Variants in LUC7L2 observed in about 807,000 individuals in gnomAD.
The protein encoded by LUC7L2 is putative RNA-binding protein Luc7-like 2.
LUC7L2 carries 25 observed loss-of-function variants against 52.8 expected under a neutral mutation model. The observed-to-expected ratio is 0.47, with a 90% CI of 0.34 to 0.66. The LOEUF (loss-of-function observed/expected upper bound fraction) is 0.66, where lower values mean the gene tolerates loss of function less well. LUC7L2 is among the 30% of genes least tolerant of loss of function. LUC7L2 has a pLI of 0.01. For synonymous variants in LUC7L2, 144 were observed against 160.9 expected, an observed-to-expected ratio of 0.89 and a Z score of 0.80; for missense variants, 328 against 497.8, an observed-to-expected ratio of 0.66 and a Z score of 3.25.
intron 2 of LUC7L2, among the ~76,000 whole-genome samples, chr7:139,396,651 A>C (rs1051149092): frequency 1.3e-5 from 2 of 152,116 alleles, no homozygotes; most frequent in African/African-American, 4.8e-5. Flanking sequence ...ATTTTCTCAT[A>C]TTCCTTTTGA....
intron 2 of LUC7L2, among the ~76,000 whole-genome samples, chr7:139,384,280 C>T (rs1794091685): frequency 6.6e-6 from 1 of 151,884 alleles, no homozygotes; most frequent in Non-Finnish European, 1.5e-5. Flanking sequence ...GATATTTAGT[C>T]AAATGTATAT....
upstream of LUC7L2, among the ~76,000 whole-genome samples, chr7:139,355,751 G>C (rs1448578895): frequency 6.6e-6 from 1 of 152,176 alleles, no homozygotes; most frequent in Non-Finnish European, 1.5e-5. Flanking sequence ...AGGATACAGT[G>C]AAAACTATCT....
At position 139,398,511 on chromosome 7, in the gene LUC7L2, A is replaced by G. The variant is rs1585115454; in HGVS notation, c.157-88A>G. 16 of 1,017,764 alleles carry G rather than the reference A, an allele frequency of 1.6e-5. No individual in the cohort carries two copies. The East Asian group carries it at 3.0e-4, about 19-fold the overall frequency. The allele number at this position is 1,017,764 out of a possible 1,614,324, so 63.0% of individuals were successfully genotyped here. On this transcript the variant is annotated intron_variant, in intron 2 of 9. Coordinates refer to ENST00000354926, the MANE Select transcript of LUC7L2 (RefSeq NM_016019.5). Reference sequence around the variant, plus strand: ...CATAAAAAAGCATCTGTATGACTTAATATGTATTCTGACAAGAACTGTGGT... The same window carrying G: ...CATAAAAAAGCATCTGTATGACTTAGTATGTATTCTGACAAGAACTGTGGT...
chr7:139,416,071 ATATATATATATATATAT>A (rs1357614033), intron 8 of LUC7L2: 1 of 48,876 alleles, frequency 2.0e-5, no homozygotes, highest in African/African-American at 4.6e-4. Flanking sequence ...ATATATATAT[ATATATATATATATATAT>A]ATGATTTACT....
chr7:139,360,214 GC>G lies in LUC7L2; in HGVS notation c.-45del, dbSNP rs1569366147. The G allele has an allele frequency of 1.4e-6, 2 of 1,478,128 alleles. No individual in the cohort carries two copies. The allele number at this position is 1,478,128 out of a possible 1,614,324, so 91.6% of individuals were successfully genotyped here. On this transcript the variant is annotated 5_prime_UTR_variant, in exon 1 of 10. Transcript: ENST00000354926. ...TCCCCTTATCCCCCAGCCCAAAAGG[GC>G]CCGGTCTGCGCCCCACCCCCGCCCG...
intron 1 of LUC7L2, among the ~76,000 whole-genome samples, chr7:139,343,177 T>C (rs1799087282): frequency 6.6e-6 from 1 of 152,250 alleles, no homozygotes; most frequent in Non-Finnish European, 1.5e-5. Context: ...AATTCCCATG[T>C]CAAATTCCAC....
rs1795958645 is a variant in LUC7L2 at position 139,422,838 on chromosome 7, T to G, written c.*498T>G. 1 of 399,166 alleles carries G rather than the reference T, an allele frequency of 2.5e-6. No individual in the cohort carries two copies. Among genetic ancestry groups the G allele is most frequent in the South Asian group, 1.3e-4 (1 of 7,876 alleles). 24.7% of individuals were successfully genotyped at this position (399,166 alleles called of 1,614,324 possible). On this transcript the variant is annotated 3_prime_UTR_variant, in exon 10 of 10. Coordinates refer to ENST00000354926, the MANE Select transcript of LUC7L2 (RefSeq NM_016019.5). ...TTCCCGTTATGAATTACTAGCTGATTACAGTTCAGAGCATTGATCCTGGAA... is the reference window on the plus strand; with the variant it reads ...TTCCCGTTATGAATTACTAGCTGATGACAGTTCAGAGCATTGATCCTGGAA...
At chr7:139,384,675 A>G (rs1339281006) in intron 2 of LUC7L2, among the ~76,000 whole-genome samples, 2 of 152,214 alleles carry the variant, frequency 1.3e-5, no homozygotes, top group South Asian at 4.1e-4. Flanking sequence ...GCAAATAGGA[A>G]CAAGAATACT....
upstream of LUC7L2, among the ~76,000 whole-genome samples, chr7:139,356,450 G>A (rs935359567): frequency 6.0e-5 from 9 of 150,308 alleles, no homozygotes; most frequent in Admixed American, 1.3e-4. Flanking sequence ...CCAACTAGCC[G>A]ACCAACACAA....
At position 139,423,438 on chromosome 7, in the gene LUC7L2, A is replaced by G. The variant is rs1266326907; in HGVS notation, c.*1098A>G. The stretch of plus-strand genomic sequence containing the variant: ...TCTCATTCAACAAACCCAAATAAAA[A>G]CAGTATATGTAACCAACATAATGAG... On this transcript the variant is annotated 3_prime_UTR_variant, in exon 10 of 10. Transcript: ENST00000354926. 1 of 398,828 alleles carries G rather than the reference A, an allele frequency of 2.5e-6. No individual in the cohort carries two copies. The highest frequency in any genetic ancestry group is 2.1e-5 in the African/African-American group (1 of 48,622). 24.7% of individuals were successfully genotyped at this position (398,828 alleles called of 1,614,324 possible). A position where few individuals can be genotyped will look rare whatever the true frequency, so the allele number is the denominator to read the frequency against.
chr7:139,389,993 A>G (rs934231137), intron 2 of LUC7L2, among the ~76,000 whole-genome samples: 17 of 152,176 alleles, frequency 1.1e-4, no homozygotes, highest in African/African-American at 4.1e-4. Context: ...GCAAGATCCC[A>G]TCTCAAAAAA....
chr7:139,342,060 A>G (rs1301982697), intron 1 of LUC7L2, among the ~76,000 whole-genome samples: 1 of 152,152 alleles, frequency 6.6e-6, no homozygotes, highest in Non-Finnish European at 1.5e-5. Flanking sequence ...TCAACTGTCG[A>G]ATTTCTGAGC....
chr7:139,377,854 A>G (rs1483484528), intron 2 of LUC7L2, among the ~76,000 whole-genome samples: 124 of 140,956 alleles, frequency 8.8e-4, no homozygotes, highest in African/African-American at 3.2e-3. Context: ...TTTTGAGACA[A>G]GAGTCTTGCT....
At chr7:139,404,247 C>T (rs1438567651) in intron 4 of LUC7L2, among the ~76,000 whole-genome samples, 1 of 152,192 alleles carries the variant, frequency 6.6e-6, no homozygotes. Context: ...TGGTGGCTCA[C>T]ACCTGTAATC....
At chr7:139,348,757 A>G (rs1409785918) in intron 1 of LUC7L2, among the ~76,000 whole-genome samples, 1 of 152,172 alleles carries the variant, frequency 6.6e-6, no homozygotes, top group Non-Finnish European at 1.5e-5. Flanking sequence ...TACTTGTATA[A>G]TTTACCAGAT....
intron 1 of LUC7L2, among the ~76,000 whole-genome samples, chr7:139,372,135 T>C (rs1307122775): frequency 6.6e-6 from 1 of 152,230 alleles, no homozygotes; most frequent in Non-Finnish European, 1.5e-5. Flanking sequence ...AAGGCCTGAA[T>C]AACTATTGTA....
At chr7:139,405,387 AC>A (rs1323123728) in intron 4 of LUC7L2, among the ~76,000 whole-genome samples, 3 of 152,204 alleles carry the variant, frequency 2.0e-5, no homozygotes, top group Non-Finnish European at 4.4e-5. Context: ...ATCGTATTTT[AC>A]ACTAGGAATA....
chr7:139,379,903 G>A (rs1800909770), intron 2 of LUC7L2, among the ~76,000 whole-genome samples: 1 of 152,050 alleles, frequency 6.6e-6, no homozygotes, highest in South Asian at 2.1e-4. Context: ...ATTAATCAGG[G>A]CTGGGCGTGG....
chr7:139,350,373 G>A (rs1476885771), intron 1 of LUC7L2, among the ~76,000 whole-genome samples: 3 of 151,972 alleles, frequency 2.0e-5, no homozygotes, highest in Non-Finnish European at 4.4e-5. Context: ...CACCCGCCTC[G>A]ACCTCCCAAA....
Sources: gnomAD v4.1 joint callset for allele counts (sites outside exome capture counted in the v4.1 genomes callset) on GRCh38, gnomAD v4.1.1 for gene constraint, MANE v1.5 for transcripts, NCBI Gene and HGNC (gene_info 2026-07-23, HGNC 2026-07-21) for gene names.